NECAB2: variants seen among roughly 807,000 people sequenced by gnomAD.
The protein encoded by NECAB2 is N-terminal EF-hand calcium binding protein 2.
Under a neutral mutation model 51.9 loss-of-function variants are expected in NECAB2, and 68 were observed. The ratio of observed to expected loss-of-function variants is 1.31; its 90% CI spans 1.08 to 1.60. The LOEUF (loss-of-function observed/expected upper bound fraction) is 1.60. Among genes scored for constraint, NECAB2 ranks in the 40% most tolerant of loss-of-function variants. The probability of loss-of-function intolerance (pLI) is 0.00; values close to 1 mark genes in which losing one functional copy is unlikely to be tolerated. For missense variants in NECAB2, 854 were observed against 490.3 expected, an observed-to-expected ratio of 1.74 and a Z score of -7.00; for synonymous variants, 329 against 203.5, an observed-to-expected ratio of 1.62 and a Z score of -5.25.
At position 84,002,492 on chromosome 16, in the gene NECAB2, G is replaced by A. The variant is rs1168863107; in HGVS notation, c.*146G>A. 20 of 1,089,440 alleles carry A rather than the reference G, an allele frequency of 1.8e-5. No homozygotes were observed. In the Admixed American group the frequency reaches 3.9e-4, roughly 21 times the overall value. 67.5% of individuals were successfully genotyped at this position (1,089,440 alleles called of 1,614,324 possible). A position where few individuals can be genotyped will look rare whatever the true frequency, so the allele number is the denominator to read the frequency against. ...AGGTGTTTCCCTGTTGTTAAGTGAA[G>A]GAGGCCGCCCCTGCCCCCACCTGAG... is the stretch of plus-strand genomic sequence containing the variant. On this transcript the variant is annotated 3_prime_UTR_variant, in exon 13 of 13. Coordinates refer to ENST00000305202, the MANE Select transcript of NECAB2 (RefSeq NM_019065.3).
At chr16:83,968,117 G>A (rs964317548), upstream of NECAB2, among the ~76,000 whole-genome samples, 3 of 151,628 alleles carry the variant, frequency 2.0e-5, no homozygotes, top group African/African-American at 7.3e-5. Context: ...CTGAGGGGGC[G>A]TGCACGCCCG....
chr16:83,990,365 T>G lies in NECAB2; in HGVS notation c.460-129T>G, dbSNP rs938922050. 1.3e-5 allele frequency: 16 copies of G among 1,226,750 alleles called. No homozygotes were observed. The African/African-American group carries it at 2.4e-4, about 18-fold the overall frequency. 76.0% of individuals were successfully genotyped at this position (1,226,750 alleles called of 1,614,324 possible). On this transcript the variant is annotated intron_variant, in intron 5 of 12. Coordinates refer to ENST00000305202, the MANE Select transcript of NECAB2 (RefSeq NM_019065.3). ...TCTAAGACTGGACCCCAGGAGGCCG[T>G]GGGGTCCTCCCTTCCCTTTGCAAAG...
chr16:83,994,394 T>C lies in NECAB2; in HGVS notation c.689T>C (p.Met230Thr), dbSNP rs761566934. The C allele has an allele frequency of 9.3e-6, 15 of 1,614,170 alleles. No homozygotes were observed. The highest frequency in any genetic ancestry group is 1.2e-5 in the Non-Finnish European group (14 of 1,180,032). ...GCCCCCAACCACAAGCTCATGGCTA[T>C]GGAACAAGGCAAGACCCTTCCATCT... ...ASAPNHKLMAMEQGKTLPSAT... is the reference protein window; with the variant it reads ...ASAPNHKLMATEQGKTLPSAT... Residue 230 changes from methionine (M) to threonine (T), a missense_variant, in exon 7 of 13, where the codon ATG (methionine) becomes ACG (threonine). Transcript: ENST00000305202.
At chr16:83,990,749 C>T (rs1433885308) in intron 6 of NECAB2, 119 bp downstream of exon 6, 2 of 1,344,530 alleles carry the variant, frequency 1.5e-6, no homozygotes, top group African/African-American at 2.9e-5. Flanking sequence ...GGGCAAGTTG[C>T]CACAGCTCTT....
At chr16:83,999,229 C>G (rs74746966) in intron 10 of NECAB2, among the ~76,000 whole-genome samples, 10,331 of 152,162 alleles carry the variant, frequency 0.068, 1,094 homozygotes, top group African/African-American at 0.23. Context: ...CGAGACTCGG[C>G]GTGGCCACGA....
chr16:83,996,308 G>C (rs1014653586), intron 8 of NECAB2, among the ~76,000 whole-genome samples: 21 of 152,224 alleles, frequency 1.4e-4, no homozygotes, highest in African/African-American at 5.1e-4. Flanking sequence ...GCGTGTTCAT[G>C]CTGTGTGCCC....
rs2084324856 is a variant in NECAB2 at position 83,969,428 on chromosome 16, A to AGCCATC, written c.201+583_201+588dup. ...TCTCGTCTCCTTTCCATTGAGCCAG[A>AGCCATC]GCCATCGCCCATCAGCCCTGAGCTG... On this transcript the variant is annotated intron_variant, in intron 1 of 12. Transcript: ENST00000305202. Among the ~76,000 whole-genome samples the AGCCATC allele has an allele frequency of 2.0e-5, 3 of 152,032 alleles. 1 individual carries two copies. In the South Asian group the frequency reaches 6.2e-4, roughly 32 times the overall value.
chr16:83,989,483 C>G (rs2084594995), intron 5 of NECAB2, among the ~76,000 whole-genome samples: 2 of 152,162 alleles, frequency 1.3e-5, no homozygotes, highest in Admixed American at 1.3e-4. Flanking sequence ...GTTTAATTTG[C>G]TTTCCTTGAG....
At chr16:83,966,040 G>C, upstream of NECAB2, 1 of 1,441,484 alleles carries the variant, frequency 6.9e-7, no homozygotes, top group Non-Finnish European at 9.2e-7. Context: ...CCCAGGCCCT[G>C]AGAGGACAGA....
At chr16:83,986,539 G>C (rs1189481538) in intron 5 of NECAB2, among the ~76,000 whole-genome samples, 1 of 151,960 alleles carries the variant, frequency 6.6e-6, no homozygotes, top group African/African-American at 2.4e-5. Flanking sequence ...TAAAGACGGG[G>C]TCTTGTTGTG....
At chr16:84,001,795 C>T in intron 11 of NECAB2, 30 bp from the exon 12 acceptor site, 4 of 1,612,642 alleles carry the variant, frequency 2.5e-6, no homozygotes, top group Non-Finnish European at 3.4e-6. Context: ...CTCCTGCCAC[C>T]CCTGACTCAC....
chr16:83,968,740 T>C lies in NECAB2; in HGVS notation c.92T>C (p.Leu31Pro). The C allele has an allele frequency of 3.8e-6, 4 of 1,056,294 alleles. No individual in the cohort carries two copies. The highest frequency in any genetic ancestry group is 4.6e-6 in the Non-Finnish European group (4 of 878,738). 65.4% of individuals were successfully genotyped at this position (1,056,294 alleles called of 1,614,324 possible). A position where few individuals can be genotyped will look rare whatever the true frequency, so the allele number is the denominator to read the frequency against. The change falls in exon 1 of 13, where the codon CTG becomes CCG. Residue 31 changes from leucine to proline, a missense_variant. Coordinates refer to ENST00000305202, the MANE Select transcript of NECAB2 (RefSeq NM_019065.3). ...CAGGGCCGGGCGCTGGGCGGGCTGC[T>C]GCGCTGGGTGGGCGCCAGGATGGGC... is the stretch of plus-strand genomic sequence containing the variant. ...PQQGRALGGL[L>P]RWVGARMGEP...
chr16:84,002,185 T>G, intron 12 of NECAB2, 133 bp from the exon 13 acceptor site: 2 of 1,215,044 alleles, frequency 1.6e-6, no homozygotes, highest in East Asian at 4.7e-5. Flanking sequence ...TGCACCTGGG[T>G]GACCAGCAAG....
intron 2 of NECAB2, among the ~76,000 whole-genome samples, chr16:83,976,128 G>A (rs920137094): frequency 3.3e-5 from 5 of 152,304 alleles, no homozygotes; most frequent in Admixed American, 3.3e-4. Context: ...CAGCCAGAGG[G>A]AGGCTGGGAT....
chr16:83,981,944 C>T (rs937593983), intron 5 of NECAB2, among the ~76,000 whole-genome samples: 1 of 152,166 alleles, frequency 6.6e-6, no homozygotes, highest in African/African-American at 2.4e-5. Flanking sequence ...GGGAACTTAG[C>T]TGATAAAGCC....
At chr16:84,000,496 C>T (rs1283153127) in intron 10 of NECAB2, among the ~76,000 whole-genome samples, 1 of 152,186 alleles carries the variant, frequency 6.6e-6, no homozygotes, top group African/African-American at 2.4e-5. Context: ...AGAAAAACTA[C>T]ACTGCATTGA....
intron 2 of NECAB2, among the ~76,000 whole-genome samples, chr16:83,976,084 CA>C (rs2084406118): frequency 6.6e-6 from 1 of 152,122 alleles, no homozygotes; most frequent in African/African-American, 2.4e-5. Flanking sequence ...AGAGGGGGCC[CA>C]AGGTACCTGG....
At chr16:83,986,547 G>T (rs371008559) in intron 5 of NECAB2, among the ~76,000 whole-genome samples, 137 of 152,036 alleles carry the variant, frequency 9.0e-4, no homozygotes, top group Admixed American at 3.2e-3. Context: ...GGGTCTTGTT[G>T]TGTTGCCCAG....
upstream of NECAB2, among the ~76,000 whole-genome samples, chr16:83,967,305 G>T (rs913432081): frequency 4.7e-5 from 7 of 148,308 alleles, no homozygotes; most frequent in African/African-American, 1.5e-4. Flanking sequence ...GAACTCCGTG[G>T]TTGGGCACCT....
Sources: gnomAD v4.1 joint callset for allele counts (sites outside exome capture counted in the v4.1 genomes callset) on GRCh38, gnomAD v4.1.1 for gene constraint, MANE v1.5 for transcripts, NCBI Gene and HGNC (gene_info 2026-07-23, HGNC 2026-07-21) for gene names.